TRMT11: variants seen among roughly 807,000 people sequenced by gnomAD.
TRMT11 encodes the protein tRNA (guanine(10)-N(2))-methyltransferase TRMT11.
Under a neutral mutation model 62.8 loss-of-function variants are expected in TRMT11, and 53 were observed. That is an observed-to-expected ratio of 0.84 (90% CI 0.68 to 1.06). The LOEUF (loss-of-function observed/expected upper bound fraction) is 1.06, where lower values mean the gene tolerates loss of function less well. Ranked by LOEUF, TRMT11 falls within the 50% of genes least tolerant of loss-of-function variation. The pLI, the probability that TRMT11 is intolerant of heterozygous loss-of-function variation, is 0.00. For synonymous variants in TRMT11, 188 were observed against 190.3 expected (o/e 0.99, Z 0.10); for missense variants, 556 against 553.4 (o/e 1.00, Z -0.05).
At chr6:126,120,037 GCTGAGGTGGGCCGATCAT>G (rs1777632246) in intron 21 of TRMT11, among the ~76,000 whole-genome samples, 1 of 152,064 alleles carries the variant, frequency 6.6e-6, no homozygotes, top group Non-Finnish European at 1.5e-5. Flanking sequence ...ACTTTGGGAG[GCTGAGGTGGGCCGATCAT>G]CTGAGGTCAG....
chr6:126,272,208 C>G, the TRMT11 span, among the ~76,000 whole-genome samples: 1 of 152,118 alleles, frequency 6.6e-6, no homozygotes, highest in Non-Finnish European at 1.5e-5. Flanking sequence ...GCTCTATAGA[C>G]AAAATTCTGG....
chr6:126,254,899 T>A, the TRMT11 span, among the ~76,000 whole-genome samples: 1 of 152,200 alleles, frequency 6.6e-6, no homozygotes, highest in African/African-American at 2.4e-5. Context: ...TTTCTAAATG[T>A]CTTTGCATTT....
intron 17 of TRMT11, among the ~76,000 whole-genome samples, chr6:126,062,366 T>C (rs1776560410): frequency 6.6e-6 from 1 of 152,256 alleles, no homozygotes; most frequent in Non-Finnish European, 1.5e-5. Context: ...ACTTTGTTAT[T>C]GTTCCAATTT....
At chr6:126,075,130 T>G (rs1776981581) in intron 17 of TRMT11, among the ~76,000 whole-genome samples, 1 of 152,176 alleles carries the variant, frequency 6.6e-6, no homozygotes, top group Non-Finnish European at 1.5e-5. Flanking sequence ...AAACACATAT[T>G]GTCTGCAAAT....
chr6:126,032,648 T>C (rs1774421409), intron 12 of TRMT11, among the ~76,000 whole-genome samples: 1 of 152,176 alleles, frequency 6.6e-6, no homozygotes, highest in South Asian at 2.1e-4. Context: ...ATTCTTCCCA[T>C]ATTCTTTTCT....
intron 2 of TRMT11, among the ~76,000 whole-genome samples, chr6:125,994,532 A>G (rs1791152956): frequency 1.3e-5 from 2 of 152,224 alleles, no homozygotes; most frequent in South Asian, 2.1e-4. Context: ...TACTAAGATG[A>G]AAATATTTTT....
intron 21 of TRMT11, among the ~76,000 whole-genome samples, chr6:126,151,901 T>C (rs377323728): frequency 0.046 from 2,838 of 61,544 alleles, 225 homozygotes; most frequent in African/African-American, 0.12. Flanking sequence ...TTTTTCTTTC[T>C]TTTCTCTTTC....
chr6:126,109,391 G>T (rs1777500918), intron 17 of TRMT11, among the ~76,000 whole-genome samples: 5 of 152,134 alleles, frequency 3.3e-5, no homozygotes, highest in Admixed American at 3.3e-4. Flanking sequence ...CTGTCTTTCA[G>T]ACTGTCTCTC....
At chr6:126,024,791 C>T (rs1772739619) in intron 12 of TRMT11, among the ~76,000 whole-genome samples, 1 of 152,174 alleles carries the variant, frequency 6.6e-6, no homozygotes, top group South Asian at 2.1e-4. Flanking sequence ...TAGTCACTTA[C>T]TTCTCATGTA....
chr6:126,102,509 T>G (rs1055051091), intron 17 of TRMT11, among the ~76,000 whole-genome samples: 1 of 130,470 alleles, frequency 7.7e-6, no homozygotes, highest in Non-Finnish European at 1.6e-5. Flanking sequence ...TTGGACCTGG[T>G]GAGAGTTAAG....
At chr6:126,064,214 A>G (rs547874839) in intron 17 of TRMT11, among the ~76,000 whole-genome samples, 1 of 151,984 alleles carries the variant, frequency 6.6e-6, no homozygotes, top group Non-Finnish European at 1.5e-5. Flanking sequence ...TGGAGGGAGA[A>G]AGCGCACATG....
the TRMT11 span, among the ~76,000 whole-genome samples, chr6:126,230,423 G>A: frequency 1.2e-4 from 18 of 152,080 alleles, no homozygotes; most frequent in East Asian, 3.9e-4. Context: ...ACATTCAGGC[G>A]CATCTGCCAT....
the TRMT11 span, among the ~76,000 whole-genome samples, chr6:126,266,815 A>G: frequency 6.6e-6 from 1 of 152,172 alleles, no homozygotes; most frequent in African/African-American, 2.4e-5. Context: ...GTTCTTTTAC[A>G]ATGACTGCCT....
the TRMT11 span, among the ~76,000 whole-genome samples, chr6:126,247,292 TG>T: frequency 6.6e-6 from 1 of 151,940 alleles, no homozygotes; most frequent in African/African-American, 2.4e-5. Context: ...AACTTTAAAT[TG>T]GCAAATATCA....
At chr6:126,058,654 T>C (rs1487420136) in intron 17 of TRMT11, among the ~76,000 whole-genome samples, 2 of 151,868 alleles carry the variant, frequency 1.3e-5, no homozygotes, top group African/African-American at 4.8e-5. Flanking sequence ...TTTGAAAACA[T>C]TAACAAAATA....
At chr6:126,240,725 G>A in the TRMT11 span, among the ~76,000 whole-genome samples, 4 of 152,230 alleles carry the variant, frequency 2.6e-5, no homozygotes, top group Non-Finnish European at 4.4e-5. Flanking sequence ...AACCACTAGT[G>A]TCTTCCAATC....
At chr6:126,061,206 C>T (rs954979846) in intron 17 of TRMT11, among the ~76,000 whole-genome samples, 4 of 152,204 alleles carry the variant, frequency 2.6e-5, no homozygotes, top group African/African-American at 9.7e-5. Flanking sequence ...TCAGGCCCCA[C>T]ATCAGACCTA....
chr6:126,072,850 C>T (rs1776897239), intron 17 of TRMT11, among the ~76,000 whole-genome samples: 1 of 152,086 alleles, frequency 6.6e-6, no homozygotes, highest in African/African-American at 2.4e-5. Flanking sequence ...ATGTTCCACC[C>T]TCATGATCTA....
In TRMT11 at chr6:126,119,934, A is replaced by G. The variant is rs376667000; in HGVS notation, c.*1823+4079A>G. On this transcript the variant is annotated intron_variant and NMD_transcript_variant, in intron 21 of 22. Coordinates refer to the TRMT11 transcript ENST00000648977. The stretch of plus-strand genomic sequence containing the variant: ...AAATATTAGAACAAGTTACATGTTT[A>G]TTAATAGAGAAATGAATACTATGGA... Among the ~76,000 whole-genome samples the G allele has an allele frequency of 1.2e-4, 19 of 152,264 alleles. No individual in the cohort carries two copies. The East Asian group carries it at 1.7e-3, about 14-fold the overall frequency.
Sources: gnomAD v4.1 joint callset for allele counts (sites outside exome capture counted in the v4.1 genomes callset) on GRCh38, gnomAD v4.1.1 for gene constraint, MANE v1.5 for transcripts, NCBI Gene and HGNC (gene_info 2026-07-23, HGNC 2026-07-21) for gene names.